ATXN7: variants seen among roughly 807,000 people sequenced by gnomAD.
The protein encoded by ATXN7 is ataxin-7.
ATXN7 carries 12 observed loss-of-function variants against 70.5 expected under a neutral mutation model. That is an observed-to-expected ratio of 0.17 (90% CI 0.11 to 0.28). The LOEUF (loss-of-function observed/expected upper bound fraction) is 0.28, where lower values mean the gene tolerates loss of function less well. Among genes scored for constraint, ATXN7 ranks in the 10% least tolerant of loss-of-function variants. The probability of loss-of-function intolerance (pLI) is 1.00; values close to 1 mark genes in which losing one functional copy is unlikely to be tolerated. For synonymous variants in ATXN7, 498 were observed against 448.7 expected (o/e 1.11, Z -1.39); for missense variants, 1,256 against 1,131.7 (o/e 1.11, Z -1.58).
At chr3:63,945,478 C>T (rs537891136) in intron 4 of ATXN7, among the ~76,000 whole-genome samples, 1 of 152,346 alleles carries the variant, frequency 6.6e-6, no homozygotes, top group South Asian at 2.1e-4. Context: ...TTCTCTGTCA[C>T]TGAATGGCAT....
intron 11 of ATXN7, among the ~76,000 whole-genome samples, chr3:63,992,768 T>C (rs1430712589): frequency 7.9e-5 from 12 of 152,150 alleles, no homozygotes; most frequent in Admixed American, 7.9e-4. Flanking sequence ...TTTTAAAAAG[T>C]CTACAGCAAC....
At chr3:63,962,309 T>C (rs549601056) in intron 5 of ATXN7, among the ~76,000 whole-genome samples, 2 of 152,246 alleles carry the variant, frequency 1.3e-5, no homozygotes, top group South Asian at 4.1e-4. Context: ...ATAGAGTTCT[T>C]GGTTTGTATT....
At chr3:63,872,159 C>G (rs1362360191) in intron 1 of ATXN7, among the ~76,000 whole-genome samples, 1 of 149,600 alleles carries the variant, frequency 6.7e-6, no homozygotes, top group Non-Finnish European at 1.5e-5. Context: ...GACATAGTGA[C>G]TCTTTGTGGA....
At chr3:63,979,527 T>C (rs943170603) in intron 5 of ATXN7, among the ~76,000 whole-genome samples, 2 of 152,202 alleles carry the variant, frequency 1.3e-5, no homozygotes, top group Admixed American at 6.5e-5. Context: ...AAGAATTGCT[T>C]GCAGTGTCAT....
At chr3:63,947,169 T>C (rs1488276242) in intron 4 of ATXN7, among the ~76,000 whole-genome samples, 1 of 152,186 alleles carries the variant, frequency 6.6e-6, no homozygotes, top group Non-Finnish European at 1.5e-5. Flanking sequence ...TGGGCAAACA[T>C]TGAGTGAGCA....
At chr3:63,917,121 T>C (rs888750204) in intron 4 of ATXN7, among the ~76,000 whole-genome samples, 1 of 152,120 alleles carries the variant, frequency 6.6e-6, no homozygotes, top group African/African-American at 2.4e-5. Flanking sequence ...GGTTTCACCA[T>C]GTTGGCCAGC....
intron 5 of ATXN7, among the ~76,000 whole-genome samples, chr3:63,979,078 G>A (rs1411631937): frequency 6.6e-6 from 1 of 152,208 alleles, no homozygotes; most frequent in Non-Finnish European, 1.5e-5. Flanking sequence ...GTTTCTGATG[G>A]TAACATTCTT....
chr3:63,975,650 G>A (rs1456208965), intron 5 of ATXN7, among the ~76,000 whole-genome samples: 1 of 152,040 alleles, frequency 6.6e-6, no homozygotes, highest in African/African-American at 2.4e-5. Context: ...GTGTGTACCT[G>A]GATGTTAATA....
At chr3:63,961,286 AT>A (rs1452171631) in intron 5 of ATXN7, among the ~76,000 whole-genome samples, 1 of 152,192 alleles carries the variant, frequency 6.6e-6, no homozygotes, top group Non-Finnish European at 1.5e-5. Flanking sequence ...TTCTGCTATA[AT>A]CTTTTTAAGG....
chr3:63,961,619 C>CAA, intron 5 of ATXN7, among the ~76,000 whole-genome samples: 1 of 151,954 alleles, frequency 6.6e-6, no homozygotes, highest in South Asian at 2.1e-4. Flanking sequence ...GTATATGGAT[C>CAA]AAAACATTAC....
chr3:63,888,401 G>A (rs1703151402), intron 1 of ATXN7, among the ~76,000 whole-genome samples: 1 of 152,120 alleles, frequency 6.6e-6, no homozygotes. Flanking sequence ...TTGGCTTAAA[G>A]TACATATATG....
Position 63,990,273 on chromosome 3 carries a change from G to C in ATXN7, c.1459G>C (p.Ala487Pro), listed in dbSNP as rs752912727. 1 of 1,614,008 alleles carries C rather than the reference G, an allele frequency of 6.2e-7. No individual in the cohort carries two copies. Among genetic ancestry groups the C allele is most frequent in the African/African-American group, 1.3e-5 (1 of 74,906 alleles). ...PHPPLPATEP[A>P]SRLSSEEGEG... ...CCCTCCCCTGCCTGCCACTGAGCCAGCTTCTCGGTTATCCAGTGAGGAGGG... is the reference window on the plus strand; with the variant it reads ...CCCTCCCCTGCCTGCCACTGAGCCACCTTCTCGGTTATCCAGTGAGGAGGG... Residue 487 changes from alanine to proline, a missense_variant, in exon 10 of 13, where the codon GCT (alanine) becomes CCT (proline). Transcript: ENST00000674280.
intron 4 of ATXN7, among the ~76,000 whole-genome samples, chr3:63,915,391 C>T (rs767632715): frequency 2.6e-5 from 4 of 152,154 alleles, no homozygotes; most frequent in Admixed American, 6.5e-5. Context: ...TGTGACTTTG[C>T]GGATTATGTG....
At chr3:63,990,423 CAG>C in intron 10 of ATXN7, 49 bp downstream of exon 10, 1 of 1,597,738 alleles carries the variant, frequency 6.3e-7, no homozygotes, top group Non-Finnish European at 8.6e-7. Flanking sequence ...ACAGCATGGA[CAG>C]GGCACTGCAG....
At chr3:63,969,819 A>T (rs1055489746) in intron 5 of ATXN7, among the ~76,000 whole-genome samples, 7 of 152,226 alleles carry the variant, frequency 4.6e-5, no homozygotes, top group African/African-American at 1.7e-4. Flanking sequence ...TCCCTAACAC[A>T]TAGAGGATTG....
intron 4 of ATXN7, among the ~76,000 whole-genome samples, chr3:63,939,406 A>T (rs1237961462): frequency 1.3e-5 from 2 of 152,012 alleles, no homozygotes; most frequent in Non-Finnish European, 2.9e-5. Context: ...CCTCACTTCC[A>T]CTTTCAAACC....
intron 1 of ATXN7, among the ~76,000 whole-genome samples, chr3:63,874,462 G>T (rs2107207420): frequency 6.6e-6 from 1 of 152,344 alleles, no homozygotes; most frequent in Non-Finnish European, 1.5e-5. Flanking sequence ...ATAAAATGCT[G>T]TGCATATACA....
chr3:63,868,416 G>A (rs957377397), intron 1 of ATXN7, among the ~76,000 whole-genome samples: 6 of 152,112 alleles, frequency 3.9e-5, no homozygotes, highest in South Asian at 2.1e-4. Context: ...TCTTTGGCCC[G>A]CAAGAAGGAC....
intron 4 of ATXN7, among the ~76,000 whole-genome samples, chr3:63,939,275 A>C (rs1472417474): frequency 3.3e-5 from 5 of 152,148 alleles, no homozygotes; most frequent in African/African-American, 1.2e-4. Context: ...CTTTGTATCC[A>C]GGCTATTACA....
Sources: allele counts gnomAD v4.1 joint callset (sites outside exome capture counted in the v4.1 genomes callset), GRCh38; gene constraint gnomAD v4.1.1; transcripts MANE v1.5; gene names NCBI Gene and HGNC (gene_info 2026-07-23, HGNC 2026-07-21).